DIP2C: variants seen among roughly 807,000 people sequenced by gnomAD.
DIP2C encodes the protein disco-interacting protein 2 homolog C.
DIP2C carries 33 observed loss-of-function variants against 192.4 expected under a neutral mutation model. The observed-to-expected ratio is 0.17, with a 90% CI of 0.13 to 0.23. The LOEUF is 0.23. Among genes scored for constraint, DIP2C ranks in the 10% least tolerant of loss-of-function variants. DIP2C has a pLI of 1.00. For synonymous variants in DIP2C, 979 were observed against 864.1 expected (o/e 1.13, Z -2.33); for missense variants, 1,537 against 2,110.1 (o/e 0.73, Z 5.32).
chr10:579,320 T>C (rs1296296590), intron 1 of DIP2C, among the ~76,000 whole-genome samples: 6 of 151,718 alleles, frequency 4.0e-5, no homozygotes, highest in Non-Finnish European at 8.8e-5. Flanking sequence ...TACACTATAA[T>C]ACGTGTGTAC....
In DIP2C at chr10:349,316, A is replaced by G. The variant is rs775046321; in HGVS notation, c.3109+15T>C. On this transcript the variant is annotated intron_variant, in intron 25 of 36. Transcript: ENST00000280886. Reference sequence around the variant, plus strand: ...GCTTGCCATCTCTCAGGGGAAGCCCACCCTGCGCCTGTACCTGGGGGGTAG... The same window carrying G: ...GCTTGCCATCTCTCAGGGGAAGCCCGCCCTGCGCCTGTACCTGGGGGGTAG... 31 of 1,596,616 alleles carry G rather than the reference A, an allele frequency of 1.9e-5. No individual in the cohort carries two copies. In the African/African-American group the frequency reaches 3.6e-4, roughly 19 times the overall value.
intron 32 of DIP2C, among the ~76,000 whole-genome samples, chr10:297,069 C>T (rs1261418475): frequency 6.6e-6 from 1 of 151,994 alleles, no homozygotes; most frequent in Non-Finnish European, 1.5e-5. Flanking sequence ...GCGTAGTGGC[C>T]TGTAGTCCCA....
intron 28 of DIP2C, among the ~76,000 whole-genome samples, chr10:343,098 G>A (rs1406585790): frequency 1.3e-5 from 2 of 152,080 alleles, no homozygotes; most frequent in African/African-American, 4.8e-5. Context: ...GAACATCCTG[G>A]CTAACACAGT....
chr10:453,793 C>T (rs906686458), intron 3 of DIP2C, among the ~76,000 whole-genome samples: 10 of 152,228 alleles, frequency 6.6e-5, no homozygotes, highest in East Asian at 1.9e-4. Flanking sequence ...AAGGAGACCA[C>T]GCTGCCTGCA....
chr10:302,979 C>T (rs148982210), intron 32 of DIP2C, among the ~76,000 whole-genome samples: 2 of 151,928 alleles, frequency 1.3e-5, no homozygotes, highest in African/African-American at 2.4e-5. Context: ...ACACCATACT[C>T]GTGAGGTCAG....
chr10:471,485 T>C (rs368298890), intron 3 of DIP2C, among the ~76,000 whole-genome samples: 2 of 152,162 alleles, frequency 1.3e-5, no homozygotes, highest in African/African-American at 4.8e-5. Context: ...CTCACTTTTT[T>C]CTTCTGACAC....
At chr10:444,714 T>C (rs948794793) in intron 3 of DIP2C, among the ~76,000 whole-genome samples, 6 of 152,264 alleles carry the variant, frequency 3.9e-5, no homozygotes, top group African/African-American at 1.4e-4. Context: ...CTCTGCTCAA[T>C]TCAAGGCTCC....
rs762860064 is a variant in DIP2C at position 349,318 on chromosome 10, C to A, written c.3109+13G>T. On this transcript the variant is annotated intron_variant, in intron 25 of 36. Coordinates refer to ENST00000280886, the MANE Select transcript of DIP2C (RefSeq NM_014974.3). Reference sequence around the variant, plus strand: ...TTGCCATCTCTCAGGGGAAGCCCACCCTGCGCCTGTACCTGGGGGGTAGAC... The same window carrying A: ...TTGCCATCTCTCAGGGGAAGCCCACACTGCGCCTGTACCTGGGGGGTAGAC... 1.3e-6 allele frequency: 2 copies of A among 1,598,576 alleles called. No homozygotes were observed. Among genetic ancestry groups the A allele is most frequent in the African/African-American group, 1.3e-5 (1 of 74,806 alleles).
chr10:534,630 C>CA (rs1300306039), intron 1 of DIP2C, among the ~76,000 whole-genome samples: 1 of 152,110 alleles, frequency 6.6e-6, no homozygotes, highest in Non-Finnish European at 1.5e-5. Flanking sequence ...TCTACCCTCC[C>CA]AGGCTGTCAT....
intron 1 of DIP2C, among the ~76,000 whole-genome samples, chr10:647,272 GGA>G (rs1390178212): frequency 4.4e-4 from 66 of 151,654 alleles, no homozygotes; most frequent in African/African-American, 1.5e-3. Flanking sequence ...TTGGACGGTG[GGA>G]GAGAACAGAG....
intron 4 of DIP2C, chr10:430,436 A>AC (rs2133212857): frequency 6.6e-6 from 1 of 152,302 alleles, no homozygotes; most frequent in South Asian, 2.1e-4. Flanking sequence ...GAGCTCCTGG[A>AC]CTCAAGTGAT....
At chr10:538,380 C>G (rs1847807459) in intron 1 of DIP2C, among the ~76,000 whole-genome samples, 1 of 152,218 alleles carries the variant, frequency 6.6e-6, no homozygotes, top group African/African-American at 2.4e-5. Flanking sequence ...GTCTCAAACT[C>G]CTGGCCTCAA....
At chr10:412,318 G>A (rs1334756759) in intron 8 of DIP2C, among the ~76,000 whole-genome samples, 3 of 152,170 alleles carry the variant, frequency 2.0e-5, no homozygotes, top group African/African-American at 4.8e-5. Context: ...CGAACAGTTC[G>A]GCTGCTCCTG....
intron 8 of DIP2C, among the ~76,000 whole-genome samples, chr10:410,687 T>A (rs996467571): frequency 3.3e-5 from 5 of 152,256 alleles, no homozygotes; most frequent in Non-Finnish European, 5.9e-5. Flanking sequence ...TACACTCAAT[T>A]AGCACCATTC....
intron 3 of DIP2C, among the ~76,000 whole-genome samples, chr10:454,730 G>C (rs1175065065): frequency 1.3e-5 from 2 of 151,754 alleles, no homozygotes; most frequent in African/African-American, 4.8e-5. Flanking sequence ...CTCAGAGAAA[G>C]AGGTAGTATA....
chr10:465,504 T>C (rs1296406550), intron 3 of DIP2C, among the ~76,000 whole-genome samples: 1 of 151,962 alleles, frequency 6.6e-6, no homozygotes, highest in Non-Finnish European at 1.5e-5. Flanking sequence ...CTCTCACCAC[T>C]CCTATTCAAC....
intron 3 of DIP2C, 54 bp downstream of exon 3, chr10:472,385 C>A: frequency 6.5e-7 from 1 of 1,539,800 alleles, no homozygotes; most frequent in South Asian, 1.1e-5. Context: ...GCACAGGCAC[C>A]GTCCTGGCAC....
intron 31 of DIP2C, among the ~76,000 whole-genome samples, chr10:321,285 T>G (rs1956997269): frequency 6.6e-6 from 1 of 152,226 alleles, no homozygotes; most frequent in South Asian, 2.1e-4. Flanking sequence ...GGAGCACCGG[T>G]GAGGCCTTGA....
In DIP2C at chr10:349,278, C is replaced by A. The variant is rs1427899204; in HGVS notation, c.3109+53G>T. On this transcript the variant is annotated intron_variant, in intron 25 of 36. Coordinates refer to ENST00000280886, the MANE Select transcript of DIP2C (RefSeq NM_014974.3). ...AGCGGGTGTAAGGGACCTCCTCGCA[C>A]CGCGGCTGACCGGCTTGCCATCTCT... The A allele has an allele frequency of 8.2e-6, 13 of 1,578,380 alleles. 1 individual carries two copies. The East Asian group carries it at 9.0e-5, about 11-fold the overall frequency.
Sources: allele counts gnomAD v4.1 joint callset (sites outside exome capture counted in the v4.1 genomes callset), GRCh38; gene constraint gnomAD v4.1.1; transcripts MANE v1.5; gene names NCBI Gene and HGNC (gene_info 2026-07-23, HGNC 2026-07-21).